The following KCNT2 variants were observed in gnomAD, a reference collection of about 807,000 sequenced individuals.
KCNT2 encodes the protein potassium sodium-activated channel subfamily T member 2, also known as potassium channel subfamily T member 2.
A neutral mutation model predicts 153.8 loss-of-function variants in KCNT2; 67 were observed. That is an observed-to-expected ratio of 0.44 (90% CI 0.36 to 0.53). The LOEUF (loss-of-function observed/expected upper bound fraction) is 0.53. Ranked by LOEUF, KCNT2 falls within the 20% of genes least tolerant of loss-of-function variation. The pLI is 0.00. For synonymous variants in KCNT2, 500 were observed against 458.8 expected, an observed-to-expected ratio of 1.09 and a Z score of -1.15; for missense variants, 975 against 1,354.8, an observed-to-expected ratio of 0.72 and a Z score of 4.40.
chr1:196,581,629 G>A (rs1662061141), intron 1 of KCNT2, among the ~76,000 whole-genome samples: 1 of 151,822 alleles, frequency 6.6e-6, no homozygotes, highest in Admixed American at 6.6e-5. Flanking sequence ...AAGGAGATGG[G>A]GGAAAGATGG....
intron 22 of KCNT2, among the ~76,000 whole-genome samples, chr1:196,298,144 T>C (rs1310393198): frequency 6.6e-6 from 1 of 152,194 alleles, no homozygotes; most frequent in African/African-American, 2.4e-5. Flanking sequence ...CTTATAGACA[T>C]GACTGTTTGC....
Position 196,350,862 on chromosome 1 carries a change from T to C in KCNT2, c.1404-8634A>G, listed in dbSNP as rs548539149. On this transcript the variant is annotated intron_variant, in intron 14 of 27. Transcript: ENST00000294725. ...GTCTAACGTTTAAGTCTTTAATCCA[T>C]CTTGAATTAATTTTTGTATAAGGTG... Among the ~76,000 whole-genome samples, 4 of 152,228 alleles carry C rather than the reference T, an allele frequency of 2.6e-5. No individual in the cohort carries two copies. The East Asian group carries it at 5.8e-4, about 22-fold the overall frequency.
chr1:196,340,271 G>GCATT (rs1390629739), intron 16 of KCNT2, 70 bp downstream of exon 16: 2 of 935,920 alleles, frequency 2.1e-6, no homozygotes, highest in African/African-American at 3.4e-5. Context: ...AAATTTAAAT[G>GCATT]CATTGGTATT....
chr1:196,249,189 G>A (rs1655728779), intron 26 of KCNT2, among the ~76,000 whole-genome samples: 1 of 152,028 alleles, frequency 6.6e-6, no homozygotes, highest in Non-Finnish European at 1.5e-5. Flanking sequence ...ATGCACAGTT[G>A]GTATCATACT....
chr1:196,394,134 T>C (rs1670720987), intron 13 of KCNT2, among the ~76,000 whole-genome samples: 1 of 151,312 alleles, frequency 6.6e-6, no homozygotes, highest in Non-Finnish European at 1.5e-5. Flanking sequence ...TGTGAGAGGG[T>C]ATTGGAATTT....
chr1:196,531,544 C>T (rs1654941820), intron 1 of KCNT2, among the ~76,000 whole-genome samples: 1 of 152,006 alleles, frequency 6.6e-6, no homozygotes, highest in South Asian at 2.1e-4. Flanking sequence ...ATAGAACTCA[C>T]GGGTCAAAGC....
intron 1 of KCNT2, among the ~76,000 whole-genome samples, chr1:196,506,146 G>A (rs1170319970): frequency 2.0e-5 from 3 of 152,080 alleles, no homozygotes; most frequent in African/African-American, 7.2e-5. Context: ...GTAGTATAGT[G>A]TAAGAGCTAA....
intron 8 of KCNT2, among the ~76,000 whole-genome samples, chr1:196,463,605 C>T (rs1324872677): frequency 6.6e-6 from 1 of 151,602 alleles, no homozygotes; most frequent in East Asian, 1.9e-4. Flanking sequence ...AAAACACACA[C>T]ACAAGACACA....
intron 1 of KCNT2, among the ~76,000 whole-genome samples, chr1:196,581,900 T>A (rs1662100694): frequency 6.6e-6 from 1 of 152,114 alleles, no homozygotes; most frequent in Non-Finnish European, 1.5e-5. Flanking sequence ...AGCTGGATAA[T>A]AGGCATCACA....
intron 1 of KCNT2, among the ~76,000 whole-genome samples, chr1:196,592,189 A>T (rs955438527): frequency 6.6e-6 from 1 of 152,116 alleles, no homozygotes; most frequent in African/African-American, 2.4e-5. Flanking sequence ...GCCATAAAAA[A>T]AAATGAGATT....
intron 13 of KCNT2, among the ~76,000 whole-genome samples, chr1:196,390,931 A>G (rs1670436245): frequency 6.9e-6 from 1 of 144,348 alleles, no homozygotes; most frequent in African/African-American, 2.6e-5. Context: ...ATGTTAGGAG[A>G]CTCTTTTCAA....
At chr1:196,249,639 G>A (rs1026110199) in intron 26 of KCNT2, among the ~76,000 whole-genome samples, 13 of 151,934 alleles carry the variant, frequency 8.6e-5, no homozygotes, top group Non-Finnish European at 1.6e-4. Flanking sequence ...TGGGCCTGGG[G>A]GTGCATGCCT....
rs1383412005 is a variant in KCNT2, at chr1:196,592,650, CAT to C, written c.95+15563_95+15564del. Among the ~76,000 whole-genome samples, 5 of 146,262 alleles carry C rather than the reference CAT, an allele frequency of 3.4e-5. No homozygotes were observed. In the East Asian group the frequency reaches 7.9e-4, roughly 23 times the overall value. Reference sequence around the variant, plus strand: ...CTAACCATATATATAGTTAGAAATACATATATATGTCTATAGACATACATATA... The same window carrying C: ...CTAACCATATATATAGTTAGAAATACATATATGTCTATAGACATACATATA... On this transcript the variant is annotated intron_variant, in intron 1 of 27. Coordinates refer to ENST00000294725, the MANE Select transcript of KCNT2 (RefSeq NM_198503.5).
chr1:196,340,263 A>T (rs1665489131), intron 16 of KCNT2, 78 bp downstream of exon 16: 15 of 904,106 alleles, frequency 1.7e-5, no homozygotes, highest in Non-Finnish European at 2.4e-5. Flanking sequence ...TTTAATAAAA[A>T]TTTAAATGCA....
chr1:196,308,273 C>A (rs1661828411), intron 21 of KCNT2, among the ~76,000 whole-genome samples: 1 of 151,884 alleles, frequency 6.6e-6, no homozygotes, highest in African/African-American at 2.4e-5. Flanking sequence ...AGGTAGGAAC[C>A]CTCTTGTGTT....
chr1:196,484,791 T>C (rs1421367973), intron 3 of KCNT2, among the ~76,000 whole-genome samples: 1 of 151,848 alleles, frequency 6.6e-6, no homozygotes, highest in Non-Finnish European at 1.5e-5. Context: ...AGATCCTTTT[T>C]AAAAAGTCAA....
chr1:196,316,521 T>C (rs372718922), intron 20 of KCNT2, among the ~76,000 whole-genome samples: 1 of 151,712 alleles, frequency 6.6e-6, no homozygotes, highest in Non-Finnish European at 1.5e-5. Context: ...TGTTTATTAT[T>C]CCTTTATGTA....
chr1:196,302,691 C>T (rs2147968247), intron 22 of KCNT2, among the ~76,000 whole-genome samples: 1 of 151,894 alleles, frequency 6.6e-6, no homozygotes, highest in South Asian at 2.1e-4. Context: ...CTGCCTCTCT[C>T]TAAAGACCAC....
intron 1 of KCNT2, among the ~76,000 whole-genome samples, chr1:196,546,352 T>A (rs143519517): frequency 6.6e-6 from 1 of 152,236 alleles, no homozygotes; most frequent in African/African-American, 2.4e-5. Flanking sequence ...TCTAGCACAG[T>A]GGAAACTATA....
Sources: allele counts gnomAD v4.1 joint callset (sites outside exome capture counted in the v4.1 genomes callset), GRCh38; gene constraint gnomAD v4.1.1; transcripts MANE v1.5; gene names NCBI Gene and HGNC (gene_info 2026-07-23, HGNC 2026-07-21).